The following IPO11 variants were observed in gnomAD, a reference collection of about 807,000 sequenced individuals.
IPO11 encodes importin-11.
A neutral mutation model predicts 143.2 loss-of-function variants in IPO11; 66 were observed. The ratio of observed to expected loss-of-function variants is 0.46; its 90% CI spans 0.38 to 0.57. IPO11 has a LOEUF of 0.57. Ranked by LOEUF, IPO11 falls within the 20% of genes least tolerant of loss-of-function variation. IPO11 has a pLI of 0.00. For synonymous variants in IPO11, 385 were observed against 377.8 expected (o/e 1.02, Z -0.22); for missense variants, 1,026 against 1,141.0 (o/e 0.90, Z 1.45).
intron 28 of IPO11, among the ~76,000 whole-genome samples, chr5:62,598,430 TTCTCTCTCTCTCTCTC>T (rs1323743350): frequency 2.5e-3 from 18 of 7,170 alleles, no homozygotes; most frequent in Non-Finnish European, 3.6e-3. Flanking sequence ...CTTTCTTTCT[TTCTCTCTCTCTCTCTC>T]TCTCTCTCTC....
intron 24 of IPO11, among the ~76,000 whole-genome samples, chr5:62,545,187 G>C (rs983759694): frequency 7.9e-5 from 12 of 152,088 alleles, no homozygotes; most frequent in African/African-American, 2.2e-4. Context: ...CATGCTACCT[G>C]ACTTCAAACT....
chr5:62,589,272 C>T (rs1744924908), intron 27 of IPO11, among the ~76,000 whole-genome samples: 1 of 152,164 alleles, frequency 6.6e-6, no homozygotes, highest in African/African-American at 2.4e-5. Flanking sequence ...AAAGAATTGT[C>T]ACTCCCCTTC....
chr5:62,603,660 C>A (rs1047587862), intron 29 of IPO11, among the ~76,000 whole-genome samples: 8 of 152,200 alleles, frequency 5.3e-5, no homozygotes, highest in African/African-American at 1.9e-4. Flanking sequence ...GTGTGCACAG[C>A]TTTGGGATGT....
chr5:62,577,125 A>G (rs1320279833), intron 27 of IPO11, among the ~76,000 whole-genome samples: 1 of 152,216 alleles, frequency 6.6e-6, no homozygotes, highest in Non-Finnish European at 1.5e-5. Context: ...TGTCTCTAAG[A>G]ACAGCAACTC....
At chr5:62,506,576 G>A (rs1741563143) in intron 19 of IPO11, among the ~76,000 whole-genome samples, 1 of 152,082 alleles carries the variant, frequency 6.6e-6, no homozygotes, top group African/African-American at 2.4e-5. Flanking sequence ...GATCAACAGT[G>A]TAGAGGTGTT....
At chr5:62,494,262 T>G (rs1274602535) in intron 16 of IPO11, 138 bp downstream of exon 16, 1 of 612,752 alleles carries the variant, frequency 1.6e-6, no homozygotes, top group Non-Finnish European at 2.4e-6. Context: ...GGTGAGCAGT[T>G]TGATTTGAGG....
intron 20 of IPO11, among the ~76,000 whole-genome samples, chr5:62,525,422 T>G (rs973851590): frequency 2.6e-5 from 4 of 151,696 alleles, no homozygotes; most frequent in Non-Finnish European, 4.4e-5. Context: ...CTTTATCATG[T>G]AGGTTGGAGT....
chr5:62,510,923 G>C (rs990912201), intron 19 of IPO11, among the ~76,000 whole-genome samples: 2 of 152,074 alleles, frequency 1.3e-5, no homozygotes, highest in Non-Finnish European at 2.9e-5. Context: ...AGTAGAGACG[G>C]GGTTTCACCA....
rs917561492 is a variant in IPO11 at position 62,515,396 on chromosome 5, A to G, written c.1791A>G (p.Pro597=). 5.0e-6 allele frequency: 8 copies of G among 1,604,072 alleles called. No individual in the cohort carries two copies. The African/African-American group carries it at 6.7e-5, about 13-fold the overall frequency. The part of the protein sequence containing the change: ...VIERVNMQIR[P]YVGCLVQYLP... ...TACTTATATTGTAATAGATACGACC[A>G]TATGTGGGATGTTTGGTACAATATT... The change falls in exon 20 of 30, where the codon CCA becomes CCG. Residue 597 remains proline, a synonymous_variant. Coordinates refer to ENST00000325324, the MANE Select transcript of IPO11 (RefSeq NM_016338.5).
At chr5:62,573,506 T>C (rs1255100307) in intron 27 of IPO11, among the ~76,000 whole-genome samples, 2 of 152,246 alleles carry the variant, frequency 1.3e-5, no homozygotes, top group Non-Finnish European at 2.9e-5. Flanking sequence ...TATATTATAC[T>C]ACATAGTAGA....
At chr5:62,608,722 A>G (rs1045728521) in intron 29 of IPO11, among the ~76,000 whole-genome samples, 5 of 152,114 alleles carry the variant, frequency 3.3e-5, no homozygotes, top group African/African-American at 1.2e-4. Context: ...ATCCTGTACC[A>G]CAGTGTTAAA....
chr5:62,444,827 C>T (rs143232204), intron 3 of IPO11, among the ~76,000 whole-genome samples: 1 of 151,700 alleles, frequency 6.6e-6, no homozygotes, highest in African/African-American at 2.4e-5. Context: ...CAAGAACGTG[C>T]CACTGCACTC....
chr5:62,581,156 A>G lies in IPO11; in HGVS notation c.2583-10421A>G, dbSNP rs930242251. 4 of 1,550,970 alleles carry G rather than the reference A, an allele frequency of 2.6e-6. No homozygotes were observed. The African/African-American group carries it at 4.1e-5, about 16-fold the overall frequency. On this transcript the variant is annotated intron_variant, in intron 27 of 29. Coordinates refer to ENST00000325324, the MANE Select transcript of IPO11 (RefSeq NM_016338.5). ...AATAGACTTGAATACTACAGCTTTTATCAGTCAGCAAGGTATAATGTAACT... is the reference window on the plus strand; with the variant it reads ...AATAGACTTGAATACTACAGCTTTTGTCAGTCAGCAAGGTATAATGTAACT...
chr5:62,510,587 T>A (rs1741711151), intron 19 of IPO11, among the ~76,000 whole-genome samples: 1 of 152,166 alleles, frequency 6.6e-6, no homozygotes, highest in Non-Finnish European at 1.5e-5. Context: ...TAATATCAAG[T>A]CAGTATTCAG....
chr5:62,624,589 T>C (rs1746493376), intron 29 of IPO11, among the ~76,000 whole-genome samples: 1 of 152,170 alleles, frequency 6.6e-6, no homozygotes, highest in African/African-American at 2.4e-5. Flanking sequence ...ATGACCTGTA[T>C]CTTGTGCTGA....
intron 1 of IPO11, 123 bp from the exon 2 acceptor site, chr5:62,437,151 A>C (rs1744273485): frequency 1.6e-6 from 1 of 629,490 alleles, no homozygotes. Flanking sequence ...GAAAGGCAGA[A>C]CATGAAGGAT....
At chr5:62,471,326 A>T (rs906649077) in intron 7 of IPO11, among the ~76,000 whole-genome samples, 1 of 124,848 alleles carries the variant, frequency 8.0e-6, no homozygotes, top group Admixed American at 7.4e-5. Context: ...CAGAGCCATT[A>T]AAAAAAATAG....
At position 62,545,214 on chromosome 5, in the gene IPO11, T is replaced by G. The variant is rs563108926; in HGVS notation, c.2251-5153T>G. Among the ~76,000 whole-genome samples the G allele has an allele frequency of 4.5e-4, 69 of 152,142 alleles. No homozygotes were observed. The East Asian group carries it at 5.2e-3, about 12-fold the overall frequency. ...CTTCAAACTATACTACAAGGCTACA[T>G]TAACCAAAACAGCATGGTACTGGTA... On this transcript the variant is annotated intron_variant, in intron 24 of 29. Coordinates refer to ENST00000325324, the MANE Select transcript of IPO11 (RefSeq NM_016338.5).
chr5:62,564,672 C>T (rs1251691722), intron 27 of IPO11, among the ~76,000 whole-genome samples: 1 of 152,164 alleles, frequency 6.6e-6, no homozygotes, highest in Non-Finnish European at 1.5e-5. Flanking sequence ...GCACTCTCCT[C>T]TTCCTCCCAC....
Sources: gnomAD v4.1 joint callset for allele counts (sites outside exome capture counted in the v4.1 genomes callset) on GRCh38, gnomAD v4.1.1 for gene constraint, MANE v1.5 for transcripts, NCBI Gene and HGNC (gene_info 2026-07-23, HGNC 2026-07-21) for gene names.